Variants in SPTSSB observed in about 807,000 individuals in gnomAD.
SPTSSB encodes the protein serine palmitoyltransferase small subunit B, also known as androgen down regulated in mouse prostate.
In SPTSSB, 6 loss-of-function variants were observed where a neutral mutation model predicts 7.7. The observed-to-expected ratio is 0.78, with a 90% CI of 0.43 to 1.54. The LOEUF is 1.54. Among genes scored for constraint, SPTSSB ranks in the 40% most tolerant of loss-of-function variants. The pLI is 0.01. For missense variants in SPTSSB, 91 were observed against 93.0 expected (o/e 0.98, Z 0.09); for synonymous variants, 28 against 29.7 (o/e 0.94, Z 0.19).
At chr3:161,359,325 T>G (rs773939912) in intron 2 of SPTSSB, 1 of 152,226 alleles carries the variant, frequency 6.6e-6, no homozygotes, top group Non-Finnish European at 1.5e-5. Flanking sequence ...GTACCAAAGG[T>G]CTTCAAGGGT....
At chr3:161,359,316 TACC>T (rs1275486900) in intron 2 of SPTSSB, 1 of 152,236 alleles carries the variant, frequency 6.6e-6, no homozygotes, top group Admixed American at 6.5e-5. Flanking sequence ...TCCTCTCTTG[TACC>T]AAAGGTCTTC....
intron 2 of SPTSSB, among the ~76,000 whole-genome samples, chr3:161,355,963 A>G (rs1456966247): frequency 6.6e-6 from 1 of 152,220 alleles, no homozygotes; most frequent in Non-Finnish European, 1.5e-5. Flanking sequence ...AGTCAATAAG[A>G]GTCTCAAGTT....
rs1560101539 is a variant in SPTSSB at position 161,346,301 on chromosome 3, T to C, written c.23A>G (p.Glu8Gly). The change falls in exon 3 of 3, where the codon GAA becomes GGA. Residue 8 changes from glutamate (E) to glycine (G), a missense_variant. Glu to Gly is a moderately conservative substitution (Grantham distance 98). Coordinates refer to ENST00000620149, the MANE Select transcript of SPTSSB (RefSeq NM_001040100.2). ...TTGATAGTAGAGCCAGGAGAAATAT[T>C]CCTTCACACGCCTCAAATCCATGGT... MDLRRVK[E>G]YFSWLYYQYQ... The C allele has an allele frequency of 2.5e-6, 4 of 1,612,880 alleles. No homozygotes were observed. Among genetic ancestry groups the C allele is most frequent in the Non-Finnish European group, 3.4e-6 (4 of 1,179,080 alleles).
At chr3:161,348,330 T>G (rs774808414) in intron 2 of SPTSSB, among the ~76,000 whole-genome samples, 7 of 152,156 alleles carry the variant, frequency 4.6e-5, no homozygotes, top group Non-Finnish European at 1.0e-4. Context: ...ATGCATTGAT[T>G]AATTTCCCGG....
At position 161,363,344 on chromosome 3, in the gene SPTSSB, A is replaced by G. The variant is rs74829806; in HGVS notation, c.-125-3450T>C. On this transcript the variant is annotated intron_variant, in intron 1 of 2. Coordinates refer to ENST00000620149, the MANE Select transcript of SPTSSB (RefSeq NM_001040100.2). ...ATTTTCTTGACTATTTGAGTGACAA[A>G]TACTGACTTTTGTATATTAAATTCA... 8.0e-4 allele frequency among the ~76,000 whole-genome samples: 121 copies of G among 151,932 alleles called. No homozygotes were observed. In the East Asian group the frequency reaches 0.021, roughly 26 times the overall value.
chr3:161,345,503 A>G lies in SPTSSB; in HGVS notation c.*590T>C, dbSNP rs970082939. On this transcript the variant is annotated 3_prime_UTR_variant, in exon 3 of 3. Coordinates refer to ENST00000620149, the MANE Select transcript of SPTSSB (RefSeq NM_001040100.2). ...GTTATAAAGCCAGACTTTAAGAAGC[A>G]TTTAAAACAATTCATGAACTCTGTA... The G allele has an allele frequency of 6.5e-6, 1 of 152,676 alleles. No homozygotes were observed. Among genetic ancestry groups the G allele is most frequent in the Non-Finnish European group, 1.5e-5 (1 of 68,044 alleles). 9.5% of individuals were successfully genotyped at this position (152,676 alleles called of 1,614,324 possible). A position where few individuals can be genotyped will look rare whatever the true frequency, so the allele number is the denominator to read the frequency against.
intron 1 of SPTSSB, among the ~76,000 whole-genome samples, chr3:161,365,213 T>C (rs1001497951): frequency 2.0e-5 from 3 of 152,248 alleles, no homozygotes; most frequent in Middle Eastern, 3.2e-3. Flanking sequence ...GCACTACTTG[T>C]ATACCTGACA....
In SPTSSB at chr3:161,371,476, G is replaced by T. The variant is rs531376151; in HGVS notation, c.-167C>A. On this transcript the variant is annotated 5_prime_UTR_variant, in exon 1 of 3. Coordinates refer to ENST00000620149, the MANE Select transcript of SPTSSB (RefSeq NM_001040100.2). ...TCTCCCTGCGGCTTAGGTGAGCGCC[G>T]AGGCTTTGGCTCCTCCCCAGCTGCT... 1 of 985,492 alleles carries T rather than the reference G, an allele frequency of 1.0e-6. No homozygotes were observed. Among genetic ancestry groups the T allele is most frequent in the Non-Finnish European group, 1.2e-6 (1 of 829,992 alleles). 61.0% of individuals were successfully genotyped at this position (985,492 alleles called of 1,614,324 possible). A position where few individuals can be genotyped will look rare whatever the true frequency, so the allele number is the denominator to read the frequency against.
rs146460613 is a variant in SPTSSB at position 161,356,796 on chromosome 3, G to T, written c.-33+3006C>A. On this transcript the variant is annotated intron_variant, in intron 2 of 2. Transcript: ENST00000620149. ...GCCTGCTGCCCTTTCATTGCCCTCA[G>T]TTGACCTGCTTCTGCATCTCACTTA... Among the ~76,000 whole-genome samples, 6 of 152,170 alleles carry T rather than the reference G, an allele frequency of 3.9e-5. No homozygotes were observed. The East Asian group carries it at 1.2e-3, about 29-fold the overall frequency.
intron 1 of SPTSSB, among the ~76,000 whole-genome samples, chr3:161,364,722 A>G (rs1715149754): frequency 6.6e-6 from 1 of 151,950 alleles, no homozygotes; most frequent in African/African-American, 2.4e-5. Flanking sequence ...CTACTTCTTC[A>G]TCAGTGAACA....
At chr3:161,352,875 G>A (rs2108158223) in intron 2 of SPTSSB, among the ~76,000 whole-genome samples, 1 of 152,216 alleles carries the variant, frequency 6.6e-6, no homozygotes, top group South Asian at 2.1e-4. Flanking sequence ...GGACTCTGCA[G>A]GGGAATAAGA....
intron 1 of SPTSSB, among the ~76,000 whole-genome samples, chr3:161,360,289 T>C (rs1164904442): frequency 1.3e-5 from 2 of 152,322 alleles, no homozygotes; most frequent in East Asian, 3.9e-4. Context: ...CTTGACTTTA[T>C]TAATCTCTCT....
chr3:161,370,137 T>C (rs1715445443), intron 1 of SPTSSB, among the ~76,000 whole-genome samples: 1 of 152,136 alleles, frequency 6.6e-6, no homozygotes, highest in South Asian at 2.1e-4. Flanking sequence ...ATTAGCATAG[T>C]AGAGATAGAA....
intron 1 of SPTSSB, among the ~76,000 whole-genome samples, chr3:161,364,122 A>C (rs2108166972): frequency 6.6e-6 from 1 of 152,226 alleles, no homozygotes; most frequent in South Asian, 2.1e-4. Context: ...ATTAAACTTA[A>C]ACTACTTTTT....
At chr3:161,348,495 T>C (rs1417108191) in intron 2 of SPTSSB, among the ~76,000 whole-genome samples, 2 of 152,158 alleles carry the variant, frequency 1.3e-5, no homozygotes, top group Admixed American at 6.5e-5. Flanking sequence ...TTAATGTCTA[T>C]TGTTTAAAAC....
intron 1 of SPTSSB, among the ~76,000 whole-genome samples, chr3:161,364,297 T>A (rs897713015): frequency 3.3e-5 from 5 of 152,140 alleles, no homozygotes; most frequent in Non-Finnish European, 7.4e-5. Flanking sequence ...CTTTCCTTCA[T>A]GTGTGATGGC....
chr3:161,369,304 T>TTC (rs35811649), intron 1 of SPTSSB, among the ~76,000 whole-genome samples: 15,186 of 66,628 alleles, frequency 0.23, 1,565 homozygotes, highest in East Asian at 0.52. Context: ...CTTTCTTTCT[T>TTC]TCTTTCTTTC....
At chr3:161,348,026 T>C (rs1386772327) in intron 2 of SPTSSB, 1 of 152,174 alleles carries the variant, frequency 6.6e-6, no homozygotes, top group African/African-American at 2.4e-5. Flanking sequence ...GGCATCACAG[T>C]CAGGAGATGC....
chr3:161,366,062 C>T (rs752993528), intron 1 of SPTSSB, among the ~76,000 whole-genome samples: 1 of 152,158 alleles, frequency 6.6e-6, no homozygotes, highest in Non-Finnish European at 1.5e-5. Context: ...CCTTACTTCT[C>T]CCCAACACTT....
Sources: allele counts gnomAD v4.1 joint callset (sites outside exome capture counted in the v4.1 genomes callset), GRCh38; gene constraint gnomAD v4.1.1; transcripts MANE v1.5; gene names NCBI Gene and HGNC (gene_info 2026-07-23, HGNC 2026-07-21).